CDH18: variants seen among roughly 807,000 people sequenced by gnomAD.
The protein encoded by CDH18 is cadherin 18, also known as cadherin-18.
CDH18 carries 31 observed loss-of-function variants against 67.9 expected under a neutral mutation model. The observed-to-expected ratio is 0.46, with a 90% CI of 0.34 to 0.62. The LOEUF (loss-of-function observed/expected upper bound fraction) is 0.62. Ranked by LOEUF, CDH18 falls within the 20% of genes least tolerant of loss-of-function variation. The pLI, the probability that CDH18 is intolerant of heterozygous loss-of-function variation, is 0.01. For missense variants in CDH18, 890 were observed against 975.5 expected, an observed-to-expected ratio of 0.91 and a Z score of 1.17; for synonymous variants, 362 against 347.2, an observed-to-expected ratio of 1.04 and a Z score of -0.48.
rs892177248 is a variant in CDH18 at position 20,428,323 on chromosome 5, GT to G, written c.-580+147138del. On this transcript the variant is annotated intron_variant, in intron 1 of 14. Transcript: ENST00000507958. ...GTATTCCATGGTGTATATGTGCCAC[GT>G]TTTCTTTATCCAGTCTATCATTGAT... Among the ~76,000 whole-genome samples, 25 of 144,614 alleles carry G rather than the reference GT, an allele frequency of 1.7e-4. 1 individual carries two copies. Among genetic ancestry groups the G allele is most frequent in the African/African-American group, 6.4e-4 (22 of 34,496 alleles). 94.9% of individuals were successfully genotyped at this position (144,614 alleles called of 152,430 possible).
chr5:20,546,306 T>A (rs1757339981), intron 1 of CDH18, among the ~76,000 whole-genome samples: 1 of 152,110 alleles, frequency 6.6e-6, no homozygotes, highest in African/African-American at 2.4e-5. Context: ...GTTACCCAGT[T>A]CCAAACTCAT....
chr5:20,440,891 G>A (rs574249569), intron 1 of CDH18, among the ~76,000 whole-genome samples: 2 of 151,978 alleles, frequency 1.3e-5, no homozygotes, highest in Non-Finnish European at 2.9e-5. Context: ...AATAAATGAA[G>A]TAAGAGCAGG....
At chr5:20,526,931 C>A (rs2126539992) in intron 1 of CDH18, among the ~76,000 whole-genome samples, 1 of 152,142 alleles carries the variant, frequency 6.6e-6, no homozygotes, top group African/African-American at 2.4e-5. Context: ...TGAGAATGGA[C>A]AAACCGACAG....
At chr5:20,568,894 G>T (rs776675059) in intron 1 of CDH18, among the ~76,000 whole-genome samples, 4 of 152,116 alleles carry the variant, frequency 2.6e-5, no homozygotes, top group East Asian at 3.9e-4. Flanking sequence ...TGCACCAAAG[G>T]GGGGCATAAG....
At chr5:19,667,151 TAAG>T (rs1758073670) in intron 5 of CDH18, among the ~76,000 whole-genome samples, 1 of 151,788 alleles carries the variant, frequency 6.6e-6, no homozygotes, top group Non-Finnish European at 1.5e-5. Flanking sequence ...AAATTTCAGC[TAAG>T]AAAATTATTT....
At chr5:19,912,063 T>A (rs1791206054) in intron 2 of CDH18, among the ~76,000 whole-genome samples, 1 of 152,142 alleles carries the variant, frequency 6.6e-6, no homozygotes. Context: ...GGTTACATGT[T>A]ACTCTTTGGG....
intron 1 of CDH18, among the ~76,000 whole-genome samples, chr5:20,549,583 G>A (rs1021200587): frequency 5.3e-5 from 8 of 152,082 alleles, no homozygotes; most frequent in Non-Finnish European, 8.8e-5. Context: ...AGCCCATAGG[G>A]AAACATTACA....
intron 2 of CDH18, among the ~76,000 whole-genome samples, chr5:20,148,816 C>T (rs763002664): frequency 2.0e-5 from 3 of 152,054 alleles, no homozygotes; most frequent in African/African-American, 7.2e-5. Flanking sequence ...AGCTCTGTCA[C>T]ATAAAATACA....
chr5:20,254,151 C>T (rs754684706), intron 2 of CDH18, among the ~76,000 whole-genome samples: 11 of 152,256 alleles, frequency 7.2e-5, no homozygotes, highest in South Asian at 2.1e-4. Flanking sequence ...TTAGCTCTGT[C>T]GCCCAGGCTA....
chr5:19,578,147 G>A (rs1459686185), intron 7 of CDH18, among the ~76,000 whole-genome samples: 3 of 152,182 alleles, frequency 2.0e-5, no homozygotes, highest in Non-Finnish European at 2.9e-5. Flanking sequence ...CTGGTTTCTC[G>A]AGTTCCTCAG....
chr5:19,495,717 CAAA>C (rs749003068), intron 11 of CDH18, among the ~76,000 whole-genome samples: 235 of 46,558 alleles, frequency 5.0e-3, no homozygotes, highest in African/African-American at 0.018. Context: ...GAAACTGTCT[CAAA>C]AAAAAAAAAA....
intron 2 of CDH18, among the ~76,000 whole-genome samples, chr5:20,198,116 C>A (rs971321241): frequency 6.6e-6 from 1 of 152,126 alleles, no homozygotes; most frequent in Non-Finnish European, 1.5e-5. Flanking sequence ...TGAGTAATTT[C>A]TTCAGAGCAG....
intron 2 of CDH18, among the ~76,000 whole-genome samples, chr5:20,243,355 T>C (rs977512458): frequency 6.6e-6 from 1 of 152,186 alleles, no homozygotes; most frequent in Non-Finnish European, 1.5e-5. Context: ...ACAATCACAT[T>C]CTATTTGTAA....
chr5:19,845,664 T>C (rs1426959013), intron 2 of CDH18, among the ~76,000 whole-genome samples: 1 of 152,050 alleles, frequency 6.6e-6, no homozygotes, highest in East Asian at 1.9e-4. Context: ...TCAATATTTG[T>C]TTTATATATC....
intron 1 of CDH18, among the ~76,000 whole-genome samples, chr5:20,320,920 C>T (rs1030443170): frequency 8.6e-5 from 13 of 152,040 alleles, no homozygotes; most frequent in African/African-American, 2.9e-4. Flanking sequence ...CCCTGGGAAA[C>T]CTATTGTAGC....
chr5:20,372,899 C>T (rs1189505970), intron 1 of CDH18, among the ~76,000 whole-genome samples: 2 of 151,792 alleles, frequency 1.3e-5, no homozygotes, highest in Non-Finnish European at 2.9e-5. Flanking sequence ...ATCTGGATAT[C>T]TCTACGTCTA....
chr5:19,914,535 ATG>A (rs1190652059), intron 2 of CDH18, among the ~76,000 whole-genome samples: 1 of 152,118 alleles, frequency 6.6e-6, no homozygotes, highest in African/African-American at 2.4e-5. Flanking sequence ...TTGTACATAT[ATG>A]TGTATATATA....
At chr5:20,158,481 G>GTTA (rs1240524147) in intron 2 of CDH18, among the ~76,000 whole-genome samples, 1 of 151,944 alleles carries the variant, frequency 6.6e-6, no homozygotes, top group Admixed American at 6.6e-5. Context: ...GAATTTTTCA[G>GTTA]TAAAATAGCT....
At chr5:20,325,658 G>GA (rs1045844668) in intron 1 of CDH18, among the ~76,000 whole-genome samples, 40 of 144,484 alleles carry the variant, frequency 2.8e-4, no homozygotes, top group East Asian at 1.0e-3. Context: ...TCTGTCTTTA[G>GA]AAAAAAAAAA....
Sources: gnomAD v4.1 joint callset for allele counts (sites outside exome capture counted in the v4.1 genomes callset) on GRCh38, gnomAD v4.1.1 for gene constraint, MANE v1.5 for transcripts, NCBI Gene and HGNC (gene_info 2026-07-23, HGNC 2026-07-21) for gene names.